TRIO: variants seen among roughly 807,000 people sequenced by gnomAD.
The protein encoded by TRIO is triple functional domain protein.
A neutral mutation model predicts 351.9 loss-of-function variants in TRIO; 58 were observed. The ratio of observed to expected loss-of-function variants is 0.16; its 90% CI spans 0.13 to 0.21. TRIO has a LOEUF of 0.21. TRIO is among the 10% of genes least tolerant of loss of function. TRIO has a pLI of 1.00. For synonymous variants in TRIO, 1,758 were observed against 1,595.7 expected (o/e 1.10, Z -2.42); for missense variants, 3,201 against 4,027.8 (o/e 0.79, Z 5.56).
intron 55 of TRIO, among the ~76,000 whole-genome samples, chr5:14,505,085 G>A (rs62345880): frequency 0.014 from 2,135 of 152,360 alleles, 22 homozygotes; most frequent in Non-Finnish European, 0.023. Flanking sequence ...GAGGGGGCGC[G>A]GGCACACCAA....
chr5:14,146,816 A>G (rs1197983566), intron 1 of TRIO, among the ~76,000 whole-genome samples: 2 of 152,206 alleles, frequency 1.3e-5, no homozygotes, highest in African/African-American at 4.8e-5. Context: ...TCAGGGCTCC[A>G]GAGCCCTGGT....
chr5:14,248,065 CAAAAAAA>C (rs71599612), intron 1 of TRIO, among the ~76,000 whole-genome samples: 6 of 132,418 alleles, frequency 4.5e-5, no homozygotes, highest in South Asian at 2.5e-4. Flanking sequence ...GACTCCGTCT[CAAAAAAA>C]AAAAAAAAAG....
At chr5:14,409,637 A>G (rs778452083) in intron 33 of TRIO, among the ~76,000 whole-genome samples, 7 of 152,052 alleles carry the variant, frequency 4.6e-5, no homozygotes, top group East Asian at 1.9e-4. Flanking sequence ...GATCGAGACC[A>G]TCCTGGCTAA....
intron 53 of TRIO, among the ~76,000 whole-genome samples, chr5:14,500,157 G>A (rs1404220490): frequency 1.3e-5 from 2 of 152,056 alleles, no homozygotes; most frequent in African/African-American, 4.8e-5. Context: ...ACCCCTAAAG[G>A]TCTTCAGAAG....
intron 37 of TRIO, among the ~76,000 whole-genome samples, chr5:14,467,850 G>A (rs1295188548): frequency 1.3e-5 from 2 of 152,120 alleles, no homozygotes; most frequent in African/African-American, 2.4e-5. Context: ...ATGCCAGTAT[G>A]TACTGAGTTC....
chr5:14,385,818 A>G (rs1276577177), intron 21 of TRIO, among the ~76,000 whole-genome samples: 1 of 152,248 alleles, frequency 6.6e-6, no homozygotes, highest in Non-Finnish European at 1.5e-5. Context: ...CAGTTGCTCA[A>G]TAATTCTTGT....
At chr5:14,201,053 T>C (rs1242189280) in intron 1 of TRIO, among the ~76,000 whole-genome samples, 2 of 151,458 alleles carry the variant, frequency 1.3e-5, no homozygotes, top group Non-Finnish European at 2.9e-5. Flanking sequence ...AGGTCAGGAG[T>C]TTGAGACCAG....
At chr5:14,200,951 A>G (rs1450331735) in intron 1 of TRIO, among the ~76,000 whole-genome samples, 2 of 152,168 alleles carry the variant, frequency 1.3e-5, no homozygotes, top group African/African-American at 4.8e-5. Flanking sequence ...TTAAAAAATA[A>G]CAGTACATAA....
intron 1 of TRIO, chr5:14,183,794 G>T (rs1232403215): frequency 3.4e-6 from 2 of 593,464 alleles, no homozygotes; most frequent in Non-Finnish European, 6.2e-6. Context: ...GCTCCTCACT[G>T]CCCATTTGGG....
At chr5:14,269,233 G>T (rs1049721867) in intron 1 of TRIO, among the ~76,000 whole-genome samples, 10 of 152,162 alleles carry the variant, frequency 6.6e-5, no homozygotes, top group African/African-American at 2.2e-4. Flanking sequence ...ATTAAACTGG[G>T]TTCATTATAC....
chr5:14,214,717 G>A (rs59619763), intron 1 of TRIO, among the ~76,000 whole-genome samples: 5,176 of 152,196 alleles, frequency 0.034, 300 homozygotes, highest in African/African-American at 0.12. Flanking sequence ...GAATGAAACC[G>A]AGTGTTATAT....
rs182583754 is a variant in TRIO, at chr5:14,165,066, G to A, written c.157+21184G>A. ...CAGGGAAATCAAATGGATCAAAGCC[G>A]TCCCCTTACCCGTGTTGCCCCTTTA... On this transcript the variant is annotated intron_variant, in intron 1 of 56. Transcript: ENST00000344204. Among the ~76,000 whole-genome samples, 587 of 152,296 alleles carry A rather than the reference G, an allele frequency of 3.9e-3. 3 individuals carry two copies. Among genetic ancestry groups the A allele is most frequent in the Non-Finnish European group, 6.6e-3 (452 of 68,012 alleles).
chr5:14,267,040 C>T (rs891450545), intron 1 of TRIO, among the ~76,000 whole-genome samples: 19 of 152,234 alleles, frequency 1.2e-4, no homozygotes, highest in East Asian at 1.9e-4. Context: ...CAAACTGTGA[C>T]GGAATCCAGT....
chr5:14,383,405 G>A (rs1746283740), intron 21 of TRIO, among the ~76,000 whole-genome samples: 1 of 152,158 alleles, frequency 6.6e-6, no homozygotes, highest in African/African-American at 2.4e-5. Context: ...GGGATGTGAT[G>A]TACACATGAC....
In TRIO at chr5:14,297,109, C is replaced by T; in HGVS notation, c.1214C>T (p.Ala405Val). ...AATATAAACCGCATCATGTCGGTGG[C>T]CAATCGTCTGGTGGAGTCTGGCCAC... ...YVNINRIMSV[A>V]NRLVESGHYA... Residue 405 changes from alanine to valine, a missense_variant, in exon 7 of 57, where the codon GCC becomes GTC. By Grantham distance (64) the Ala-to-Val change is moderately conservative (BLOSUM62 0). This residue lies in a region of TRIO where 349 missense variants were observed against 449.3 expected (regional missense o/e 0.78). Transcript: ENST00000344204. 2 of 1,613,918 alleles carry T rather than the reference C, an allele frequency of 1.2e-6. No homozygotes were observed. Among genetic ancestry groups the T allele is most frequent in the South Asian group, 1.1e-5 (1 of 91,056 alleles).
intron 3 of TRIO, among the ~76,000 whole-genome samples, chr5:14,285,655 G>C (rs115492816): frequency 6.6e-6 from 1 of 152,082 alleles, no homozygotes; most frequent in Admixed American, 6.5e-5. Flanking sequence ...TGGTTTTCCA[G>C]GTTTTTAATT....
chr5:14,479,734 A>G (rs1317519946), intron 42 of TRIO, among the ~76,000 whole-genome samples, 185 bp from the exon 43 acceptor site: 1 of 152,216 alleles, frequency 6.6e-6, no homozygotes, highest in Non-Finnish European at 1.5e-5. Context: ...TGCTTTGAAA[A>G]ACAACTCAGG....
At chr5:14,479,388 CTT>C in intron 42 of TRIO, 38 bp downstream of exon 42, 1 of 1,530,148 alleles carries the variant, frequency 6.5e-7, no homozygotes. Context: ...ATTTCTGAAT[CTT>C]TTGTTCCAAC....
chr5:14,364,847 T>G, intron 15 of TRIO, 31 bp downstream of exon 15: 1 of 1,590,216 alleles, frequency 6.3e-7, no homozygotes. Context: ...TTGGGGAGGC[T>G]GCGCTACAGA....
Sources: allele counts gnomAD v4.1 joint callset (sites outside exome capture counted in the v4.1 genomes callset), GRCh38; gene constraint gnomAD v4.1.1; regional missense constraint gnomAD v4.1.1; transcripts MANE v1.5; gene names NCBI Gene and HGNC (gene_info 2026-07-23, HGNC 2026-07-21).